The following LRP1B variants were observed in gnomAD, a reference collection of about 807,000 sequenced individuals.
LRP1B encodes low-density lipoprotein receptor-related protein 1B.
In LRP1B, 217 loss-of-function variants were observed where a neutral mutation model predicts 556.6. The observed-to-expected ratio is 0.39, with a 90% CI of 0.35 to 0.44. The LOEUF (loss-of-function observed/expected upper bound fraction) is 0.44. LRP1B is among the 20% of genes least tolerant of loss of function. LRP1B has a pLI of 1.00. For synonymous variants in LRP1B, 2,047 were observed against 1,865.8 expected (o/e 1.10, Z -2.50); for missense variants, 5,053 against 5,620.8 (o/e 0.90, Z 3.23).
intron 1 of LRP1B, among the ~76,000 whole-genome samples, chr2:142,081,357 A>G (rs1461140448): frequency 6.6e-6 from 1 of 152,138 alleles, no homozygotes; most frequent in African/African-American, 2.4e-5. Context: ...AACTTTATTG[A>G]CCCACATTTT....
intron 7 of LRP1B, among the ~76,000 whole-genome samples, chr2:141,182,433 T>TG (rs1407465162): frequency 6.6e-6 from 1 of 152,018 alleles, no homozygotes; most frequent in Non-Finnish European, 1.5e-5. Flanking sequence ...TACAGGTGAA[T>TG]GCTGAGGTCA....
At chr2:141,238,782 T>G (rs1205594369) in intron 5 of LRP1B, among the ~76,000 whole-genome samples, 2 of 152,112 alleles carry the variant, frequency 1.3e-5, no homozygotes, top group East Asian at 3.9e-4. Flanking sequence ...CAGTGAAGGA[T>G]GAATCCAATG....
intron 66 of LRP1B, among the ~76,000 whole-genome samples, chr2:140,436,329 C>A (rs1205272682): frequency 6.6e-6 from 1 of 152,054 alleles, no homozygotes; most frequent in Admixed American, 6.6e-5. Flanking sequence ...AGGATAATAG[C>A]ATATGTACAC....
intron 2 of LRP1B, among the ~76,000 whole-genome samples, chr2:141,650,996 G>A (rs964718041): frequency 6.6e-6 from 1 of 152,158 alleles, no homozygotes; most frequent in Non-Finnish European, 1.5e-5. Flanking sequence ...AACAGCCATT[G>A]AGTATACATT....
intron 1 of LRP1B, among the ~76,000 whole-genome samples, chr2:141,881,579 C>T (rs571885091): frequency 2.8e-4 from 43 of 151,918 alleles, no homozygotes; most frequent in Admixed American, 2.6e-3. Flanking sequence ...TAAAAATCAT[C>T]GGCAGATATT....
At chr2:140,982,790 C>G (rs1313011329) in intron 17 of LRP1B, among the ~76,000 whole-genome samples, 1 of 151,694 alleles carries the variant, frequency 6.6e-6, no homozygotes, top group Non-Finnish European at 1.5e-5. Flanking sequence ...TTCTTGATCT[C>G]TAAATGATCT....
At chr2:142,075,761 C>G (rs927591585) in intron 1 of LRP1B, among the ~76,000 whole-genome samples, 12 of 152,058 alleles carry the variant, frequency 7.9e-5, no homozygotes, top group Admixed American at 1.3e-4. Flanking sequence ...TCTCCCTCCA[C>G]GTTAATCAAG....
chr2:141,494,327 A>T (rs1683441298), intron 2 of LRP1B, among the ~76,000 whole-genome samples: 2 of 152,168 alleles, frequency 1.3e-5, no homozygotes, highest in African/African-American at 4.8e-5. Flanking sequence ...TTGAAGCAAC[A>T]CAAAACCCTA....
Position 140,947,168 on chromosome 2 carries a change from T to C in LRP1B, c.3136+3067A>G, listed in dbSNP as rs562864216. Among the ~76,000 whole-genome samples, 14 of 152,292 alleles carry C rather than the reference T, an allele frequency of 9.2e-5. No individual in the cohort carries two copies. In the East Asian group the frequency reaches 1.2e-3, roughly 13 times the overall value. On this transcript the variant is annotated intron_variant, in intron 20 of 90. Transcript: ENST00000389484. ...GCAAAAGTACCCCCCGAATCTATTA[T>C]AAAAATAAAATTTAACAAAAATAAA... is the stretch of plus-strand genomic sequence containing the variant.
intron 1 of LRP1B, among the ~76,000 whole-genome samples, chr2:141,940,452 T>C (rs1700763568): frequency 6.6e-6 from 1 of 152,222 alleles, no homozygotes; most frequent in Admixed American, 6.5e-5. Context: ...ACTATTCATG[T>C]AATTCACAAT....
intron 3 of LRP1B, among the ~76,000 whole-genome samples, chr2:141,264,422 A>G (rs1684811406): frequency 6.6e-6 from 1 of 152,148 alleles, no homozygotes; most frequent in South Asian, 2.1e-4. Context: ...CTGAGAAAAT[A>G]TTCCATGGAC....
chr2:140,727,805 G>A lies in LRP1B; in HGVS notation c.5759-10989C>T, dbSNP rs1469112425. Among the ~76,000 whole-genome samples the A allele has an allele frequency of 9.2e-5, 14 of 152,064 alleles. 1 individual carries two copies. ...TTGAAAGCATTCCTTCAAACATGTT[G>A]CAGATTAATAAAGACCCAGATTCTT... On this transcript the variant is annotated intron_variant, in intron 35 of 90. Transcript: ENST00000389484.
At chr2:141,129,345 C>T (rs889088855) in intron 7 of LRP1B, among the ~76,000 whole-genome samples, 4 of 151,842 alleles carry the variant, frequency 2.6e-5, no homozygotes, top group East Asian at 1.9e-4. Flanking sequence ...GATTGGGAAC[C>T]GAATGACCCT....
At chr2:141,764,890 T>G (rs1407258246) in intron 2 of LRP1B, among the ~76,000 whole-genome samples, 1 of 149,276 alleles carries the variant, frequency 6.7e-6, no homozygotes, top group Non-Finnish European at 1.5e-5. Flanking sequence ...ATCAGTTTCC[T>G]ATTTTTTCTG....
intron 7 of LRP1B, among the ~76,000 whole-genome samples, chr2:141,099,178 G>T (rs1288632090): frequency 6.6e-6 from 1 of 151,954 alleles, no homozygotes; most frequent in Non-Finnish European, 1.5e-5. Context: ...TAAACACAGT[G>T]TCTCACCCAT....
chr2:140,600,888 G>A (rs1350244119), intron 42 of LRP1B, among the ~76,000 whole-genome samples: 3 of 135,104 alleles, frequency 2.2e-5, no homozygotes, highest in African/African-American at 8.4e-5. Context: ...ATTTTCTTTT[G>A]TCATGAAATT....
intron 66 of LRP1B, among the ~76,000 whole-genome samples, chr2:140,417,673 A>G (rs1573914101): frequency 6.6e-6 from 1 of 152,188 alleles, no homozygotes; most frequent in Non-Finnish European, 1.5e-5. Context: ...AGTGGCTGCC[A>G]TGACTGCACG....
intron 2 of LRP1B, among the ~76,000 whole-genome samples, chr2:141,689,212 G>T (rs1167425756): frequency 6.6e-6 from 1 of 151,686 alleles, no homozygotes; most frequent in African/African-American, 2.4e-5. Context: ...TCACTGTTCT[G>T]GGCATTTTGC....
At chr2:141,480,019 C>A (rs1463005606) in intron 3 of LRP1B, among the ~76,000 whole-genome samples, 1 of 152,072 alleles carries the variant, frequency 6.6e-6, no homozygotes, top group Admixed American at 6.6e-5. Context: ...TTTGTTTAAG[C>A]AGAGGTTCAG....
Sources: gnomAD v4.1 joint callset for allele counts (sites outside exome capture counted in the v4.1 genomes callset) on GRCh38, gnomAD v4.1.1 for gene constraint, MANE v1.5 for transcripts, NCBI Gene and HGNC (gene_info 2026-07-23, HGNC 2026-07-21) for gene names.